Variants in ST6GAL1 observed in about 807,000 individuals in gnomAD.
ST6GAL1 encodes the protein ST6 beta-galactoside alpha-2,6-sialyltransferase 1.
Under a neutral mutation model 38.0 loss-of-function variants are expected in ST6GAL1, and 20 were observed. That is an observed-to-expected ratio of 0.53 (90% CI 0.37 to 0.77). ST6GAL1 has a LOEUF of 0.77. ST6GAL1 is among the 30% of genes least tolerant of loss of function. ST6GAL1 has a pLI of 0.00. For missense variants in ST6GAL1, 432 were observed against 496.4 expected, an observed-to-expected ratio of 0.87 and a Z score of 1.23; for synonymous variants, 196 against 188.2, an observed-to-expected ratio of 1.04 and a Z score of -0.34.
chr3:187,001,975 A>C (rs149128368), intron 2 of ST6GAL1, among the ~76,000 whole-genome samples: 11,554 of 150,088 alleles, frequency 0.077, 529 homozygotes, highest in Middle Eastern at 0.13. Flanking sequence ...AAAAAAACCC[A>C]AAAACAAAAC....
chr3:187,060,189 G>C (rs890482045), intron 5 of ST6GAL1, among the ~76,000 whole-genome samples: 2 of 152,060 alleles, frequency 1.3e-5, no homozygotes, highest in Non-Finnish European at 2.9e-5. Flanking sequence ...GGGTAGGGGG[G>C]TTGGCCTGTC....
rs774672573 is a variant in ST6GAL1 at position 187,053,825 on chromosome 3, A to G, written c.705+2479A>G. ...ATGAACTTTAAAGTAGTTTTTTCCA[A>G]TTCTGTGAAGAATGTCATTGGTAGC... On this transcript the variant is annotated intron_variant, in intron 5 of 7. Coordinates refer to ENST00000169298, the MANE Select transcript of ST6GAL1 (RefSeq NM_173216.2). Among the ~76,000 whole-genome samples, 292 of 152,260 alleles carry G rather than the reference A, an allele frequency of 1.9e-3. 1 individual carries two copies. Among genetic ancestry groups the G allele is most frequent in the Middle Eastern group, 6.8e-3 (2 of 294 alleles).
chr3:187,022,705 A>AGTCCAAAGGCTGTCT (rs1717373305), intron 2 of ST6GAL1, among the ~76,000 whole-genome samples: 1 of 152,218 alleles, frequency 6.6e-6, no homozygotes. Context: ...ATGGCTTTGC[A>AGTCCAAAGGCTGTCT]GTCCAAAGGC....
At chr3:187,072,728 C>G in intron 5 of ST6GAL1, 121 bp from the exon 6 acceptor site, 1 of 849,958 alleles carries the variant, frequency 1.2e-6, no homozygotes, top group African/African-American at 1.7e-5. Flanking sequence ...TGCACCAGAA[C>G]TTAGAAGCCT....
At chr3:186,944,599 T>C (rs1204823578) in intron 1 of ST6GAL1, among the ~76,000 whole-genome samples, 5 of 152,000 alleles carry the variant, frequency 3.3e-5, no homozygotes, top group Non-Finnish European at 7.4e-5. Context: ...AAGGAAGACA[T>C]TGGGGATAAA....
intron 2 of ST6GAL1, among the ~76,000 whole-genome samples, chr3:187,007,903 A>C (rs1716833362): frequency 6.6e-6 from 1 of 152,190 alleles, no homozygotes; most frequent in East Asian, 1.9e-4. Context: ...CAGTAGCGGA[A>C]TAAATATAAC....
At chr3:187,018,758 A>C (rs1305250864) in intron 2 of ST6GAL1, among the ~76,000 whole-genome samples, 4 of 152,122 alleles carry the variant, frequency 2.6e-5, no homozygotes, top group African/African-American at 9.7e-5. Flanking sequence ...GCATCCTTCA[A>C]TCCAATCAAG....
intron 5 of ST6GAL1, 158 bp downstream of exon 5, chr3:187,051,504 T>A: frequency 3.2e-6 from 2 of 630,118 alleles, no homozygotes; most frequent in South Asian, 3.8e-5. Flanking sequence ...AATGATTCCA[T>A]GACCCAACCT....
chr3:186,983,749 G>A (rs1229792235), intron 2 of ST6GAL1, among the ~76,000 whole-genome samples: 1 of 152,152 alleles, frequency 6.6e-6, no homozygotes, highest in Non-Finnish European at 1.5e-5. Context: ...GACACTGAGA[G>A]CAGTTGAGTA....
At chr3:187,048,287 G>GC (rs762222918) in intron 4 of ST6GAL1, among the ~76,000 whole-genome samples, 5 of 152,128 alleles carry the variant, frequency 3.3e-5, no homozygotes, top group South Asian at 2.1e-4. Context: ...TCATACCTGG[G>GC]CCCCCATGTC....
At chr3:187,064,412 G>T (rs917098184) in intron 5 of ST6GAL1, 2 of 424,060 alleles carry the variant, frequency 4.7e-6, no homozygotes, top group Non-Finnish European at 9.5e-6. Flanking sequence ...ATTCACAAAG[G>T]GTTGCGAAAT....
At chr3:187,039,457 C>A (rs1335668306) in intron 3 of ST6GAL1, among the ~76,000 whole-genome samples, 1 of 152,142 alleles carries the variant, frequency 6.6e-6, no homozygotes, top group Non-Finnish European at 1.5e-5. Flanking sequence ...GCAAGCATTA[C>A]AAAGCACTGG....
At chr3:187,062,401 A>T (rs1053338787) in intron 5 of ST6GAL1, among the ~76,000 whole-genome samples, 2 of 152,202 alleles carry the variant, frequency 1.3e-5, no homozygotes, top group Non-Finnish European at 2.9e-5. Context: ...GACTACTCTT[A>T]TTCACAATAG....
At position 187,042,921 on chromosome 3, in the gene ST6GAL1, G is replaced by A; in HGVS notation, c.218G>A (p.Arg73Lys). ...TCAAGCAGCACCCAGGACCCCCACAGGGGCCGCCAGACCCTCGGCAGTCTC... is the reference window on the plus strand; with the variant it reads ...TCAAGCAGCACCCAGGACCCCCACAAGGGCCGCCAGACCCTCGGCAGTCTC... Reference protein sequence around the residue: ...VSSSSTQDPHRGRQTLGSLRG... With the variant: ...VSSSSTQDPHKGRQTLGSLRG... Residue 73 changes from arginine (R) to lysine (K), a missense_variant, in exon 4 of 8, where the codon AGG becomes AAG. Arg to Lys is a conservative substitution (Grantham distance 26). Transcript: ENST00000169298. 1 of 1,614,218 alleles carries A rather than the reference G, an allele frequency of 6.2e-7. No individual in the cohort carries two copies. The highest frequency in any genetic ancestry group is 8.5e-7 in the Non-Finnish European group (1 of 1,180,028).
At chr3:187,037,359 A>T (rs565598936) in intron 2 of ST6GAL1, among the ~76,000 whole-genome samples, 7 of 152,144 alleles carry the variant, frequency 4.6e-5, no homozygotes, top group Admixed American at 4.6e-4. Flanking sequence ...TTATTTTGTG[A>T]TTAGTCTGTT....
At chr3:186,935,071 C>T (rs1713897959) in intron 1 of ST6GAL1, among the ~76,000 whole-genome samples, 3 of 151,954 alleles carry the variant, frequency 2.0e-5, no homozygotes, top group South Asian at 2.1e-4. Context: ...ACTTGTGTCA[C>T]GGGGGTTTGG....
chr3:187,046,007 T>C (rs900838627), intron 4 of ST6GAL1, among the ~76,000 whole-genome samples: 24 of 152,206 alleles, frequency 1.6e-4, no homozygotes, highest in African/African-American at 5.3e-4. Context: ...ATAAGGACTT[T>C]AGGTTTCATT....
intron 2 of ST6GAL1, among the ~76,000 whole-genome samples, chr3:186,991,444 C>G (rs960694277): frequency 1.3e-5 from 2 of 152,122 alleles, no homozygotes; most frequent in Non-Finnish European, 2.9e-5. Context: ...GTTCCTAACT[C>G]ACACTGGGGA....
At chr3:186,966,056 G>A (rs570553876) in intron 2 of ST6GAL1, among the ~76,000 whole-genome samples, 3 of 152,220 alleles carry the variant, frequency 2.0e-5, no homozygotes, top group South Asian at 4.1e-4. Context: ...GGGCCACCAC[G>A]CTGGCTAATT....
Sources: allele counts gnomAD v4.1 joint callset (sites outside exome capture counted in the v4.1 genomes callset), GRCh38; gene constraint gnomAD v4.1.1; transcripts MANE v1.5; gene names NCBI Gene and HGNC (gene_info 2026-07-23, HGNC 2026-07-21).